The following PRKN variants were observed in gnomAD, a reference collection of about 807,000 sequenced individuals.
PRKN encodes the protein parkin RBR E3 ubiquitin protein ligase.
PRKN carries 56 observed loss-of-function variants against 59.5 expected under a neutral mutation model. That is an observed-to-expected ratio of 0.94 (90% CI 0.76 to 1.18). The LOEUF is 1.18. PRKN is among the 50% of genes most tolerant of loss of function. The pLI, the probability that PRKN is intolerant of heterozygous loss-of-function variation, is 0.00. For synonymous variants in PRKN, 250 were observed against 222.1 expected, an observed-to-expected ratio of 1.13 and a Z score of -1.12; for missense variants, 657 against 596.4, an observed-to-expected ratio of 1.10 and a Z score of -1.06.
At chr6:161,913,224 G>C (rs1446034571) in intron 6 of PRKN, among the ~76,000 whole-genome samples, 1 of 147,508 alleles carries the variant, frequency 6.8e-6, no homozygotes, top group Non-Finnish European at 1.5e-5. Flanking sequence ...GCAATAGATA[G>C]CTGGAACACC....
intron 2 of PRKN, among the ~76,000 whole-genome samples, chr6:162,286,362 A>C (rs2128107780): frequency 6.6e-6 from 1 of 152,242 alleles, no homozygotes; most frequent in African/African-American, 2.4e-5. Context: ...CTTTCTCAGA[A>C]ATCAATCATT....
chr6:161,643,792 T>A (rs953911049), intron 7 of PRKN, among the ~76,000 whole-genome samples: 8 of 152,060 alleles, frequency 5.3e-5, no homozygotes, highest in Middle Eastern at 3.2e-3. Flanking sequence ...ACAAGTAAAA[T>A]TTTTTTTAAA....
At chr6:162,545,345 G>A (rs1421683669) in intron 1 of PRKN, among the ~76,000 whole-genome samples, 1 of 152,086 alleles carries the variant, frequency 6.6e-6, no homozygotes, top group Non-Finnish European at 1.5e-5. Context: ...ATTCCATCCA[G>A]TATCAGGCTT....
intron 1 of PRKN, among the ~76,000 whole-genome samples, chr6:162,663,051 C>T (rs1375258027): frequency 1.3e-5 from 2 of 151,332 alleles, no homozygotes; most frequent in African/African-American, 4.9e-5. Flanking sequence ...GAACCCGACA[C>T]CCAGCTGCTC....
At chr6:162,391,313 C>T (rs1005183519) in intron 2 of PRKN, among the ~76,000 whole-genome samples, 4 of 150,636 alleles carry the variant, frequency 2.7e-5, no homozygotes, top group Non-Finnish European at 5.9e-5. Context: ...CTTCTTACTG[C>T]GCATGCTTGA....
intron 1 of PRKN, among the ~76,000 whole-genome samples, chr6:162,703,278 T>G (rs1778223526): frequency 6.6e-6 from 1 of 152,230 alleles, no homozygotes; most frequent in Non-Finnish European, 1.5e-5. Flanking sequence ...GACGTAAATC[T>G]CCATTTTAAC....
intron 6 of PRKN, among the ~76,000 whole-genome samples, chr6:161,873,712 C>G (rs1403619014): frequency 1.3e-5 from 2 of 150,960 alleles, no homozygotes; most frequent in Non-Finnish European, 3.0e-5. Flanking sequence ...TGACTCTCGT[C>G]AAAAAAAATT....
intron 9 of PRKN, among the ~76,000 whole-genome samples, chr6:161,398,593 C>A (rs1012456128): frequency 6.6e-6 from 1 of 152,172 alleles, no homozygotes; most frequent in African/African-American, 2.4e-5. Flanking sequence ...CTGGAGCCTG[C>A]AAAGATGCAG....
At chr6:161,732,485 T>TGTGTG (rs113804410) in intron 7 of PRKN, among the ~76,000 whole-genome samples, 4,410 of 146,414 alleles carry the variant, frequency 0.03, 211 homozygotes, top group African/African-American at 0.1. Context: ...TTTTTTTTTT[T>TGTGTG]TGTGTGTGTG....
At chr6:161,640,147 C>T (rs976473714) in intron 7 of PRKN, among the ~76,000 whole-genome samples, 1 of 152,166 alleles carries the variant, frequency 6.6e-6, no homozygotes, top group Non-Finnish European at 1.5e-5. Context: ...AATCCTTTTT[C>T]CATTAAAATT....
chr6:162,230,686 T>C (rs1369628279), intron 3 of PRKN, among the ~76,000 whole-genome samples: 1 of 152,196 alleles, frequency 6.6e-6, no homozygotes, highest in African/African-American at 2.4e-5. Flanking sequence ...CACAGAAATC[T>C]AATAACAGCC....
At chr6:161,946,422 T>A (rs913708066) in intron 6 of PRKN, among the ~76,000 whole-genome samples, 5,697 of 58,174 alleles carry the variant, frequency 0.098, 131 homozygotes, top group Admixed American at 0.17. Flanking sequence ...ACACTCTCTC[T>A]CTCTCTCTCT....
At chr6:161,632,354 C>T (rs1027137728) in intron 7 of PRKN, among the ~76,000 whole-genome samples, 2 of 152,148 alleles carry the variant, frequency 1.3e-5, no homozygotes, top group South Asian at 2.1e-4. Context: ...CAGACACAGG[C>T]ATCTGTGAGC....
chr6:162,709,160 T>C (rs1214325533), intron 1 of PRKN, among the ~76,000 whole-genome samples: 1 of 152,154 alleles, frequency 6.6e-6, no homozygotes, highest in Non-Finnish European at 1.5e-5. Context: ...TTCTACACTA[T>C]GGCGAATTGT....
rs1218469113 is a variant in PRKN, at chr6:161,359,611, G to A, written c.1285+477C>T. ...AGGAAGTCCCCCACTGGTACTGTGAGTCATCAGGGGCAGGCCACAGGGATC... is the reference window on the plus strand; with the variant it reads ...AGGAAGTCCCCCACTGGTACTGTGAATCATCAGGGGCAGGCCACAGGGATC... On this transcript the variant is annotated intron_variant, in intron 11 of 11. Transcript: ENST00000366898. This position sits in a 1 kb window ranked among gnomAD's most constrained non-coding sequence, Gnocchi z 5.4. Among the ~76,000 whole-genome samples, 2 of 152,262 alleles carry A rather than the reference G, an allele frequency of 1.3e-5. No homozygotes were observed. The highest frequency in any genetic ancestry group is 2.9e-5 in the Non-Finnish European group (2 of 68,040).
At chr6:161,449,136 A>G (rs1789615948) in intron 9 of PRKN, among the ~76,000 whole-genome samples, 1 of 152,228 alleles carries the variant, frequency 6.6e-6, no homozygotes. Flanking sequence ...TATTATTATT[A>G]CAATTTCTTG....
At chr6:162,500,899 T>G (rs1793333496) in intron 1 of PRKN, among the ~76,000 whole-genome samples, 1 of 152,152 alleles carries the variant, frequency 6.6e-6, no homozygotes, top group Non-Finnish European at 1.5e-5. Flanking sequence ...GGTGCAGTGG[T>G]TCATGCCTGT....
chr6:161,727,966 A>G (rs1337094033), intron 7 of PRKN, among the ~76,000 whole-genome samples: 2 of 152,202 alleles, frequency 1.3e-5, no homozygotes, highest in African/African-American at 4.8e-5. Context: ...AACAGATTTT[A>G]AAAATTAATA....
At chr6:162,278,756 C>T (rs182284897) in intron 2 of PRKN, among the ~76,000 whole-genome samples, 226 of 152,074 alleles carry the variant, frequency 1.5e-3, no homozygotes, top group African/African-American at 5.4e-3. Flanking sequence ...TTGCCCTTTG[C>T]CTTTGTAGAT....
Sources: gnomAD v4.1 joint callset for allele counts (sites outside exome capture counted in the v4.1 genomes callset) on GRCh38, gnomAD v4.1.1 for gene constraint, Gnocchi (gnomAD v3.1) non-coding constraint, MANE v1.5 for transcripts, NCBI Gene and HGNC (gene_info 2026-07-23, HGNC 2026-07-21) for gene names.